The following ROBO2 variants were observed in gnomAD, a reference collection of about 807,000 sequenced individuals.
The protein encoded by ROBO2 is roundabout guidance receptor 2, also known as roundabout homolog 2.
A neutral mutation model predicts 160.8 loss-of-function variants in ROBO2; 53 were observed. That is an observed-to-expected ratio of 0.33 (90% CI 0.26 to 0.41). The LOEUF (loss-of-function observed/expected upper bound fraction) is 0.41. Among genes scored for constraint, ROBO2 ranks in the 10% least tolerant of loss-of-function variants. ROBO2 has a pLI of 1.00. For synonymous variants in ROBO2, 664 were observed against 611.7 expected (o/e 1.09, Z -1.26); for missense variants, 1,577 against 1,722.4 (o/e 0.92, Z 1.49).
chr3:77,571,969 C>T (rs763207395), intron 13 of ROBO2, among the ~76,000 whole-genome samples: 3 of 151,268 alleles, frequency 2.0e-5, no homozygotes, highest in African/African-American at 7.3e-5. Flanking sequence ...AAGCCCCATA[C>T]GATATACTGG....
At chr3:76,043,036 C>T (rs559126887) in intron 2 of ROBO2, among the ~76,000 whole-genome samples, 15 of 152,096 alleles carry the variant, frequency 9.9e-5, no homozygotes, top group Non-Finnish European at 1.9e-4. Context: ...CTGCTACACC[C>T]TTAATAGTTT....
At chr3:76,530,637 C>T (rs1266494390) in intron 2 of ROBO2, among the ~76,000 whole-genome samples, 3 of 152,144 alleles carry the variant, frequency 2.0e-5, no homozygotes, top group Non-Finnish European at 2.9e-5. Flanking sequence ...TGGAAATATG[C>T]AAAGCCCTAT....
At chr3:76,745,619 G>A (rs574482072) in intron 2 of ROBO2, among the ~76,000 whole-genome samples, 1 of 151,982 alleles carries the variant, frequency 6.6e-6, no homozygotes, top group East Asian at 1.9e-4. Flanking sequence ...TGGCCCTTTT[G>A]TGTGTGCTTG....
At chr3:76,931,061 C>G (rs933939840) in intron 2 of ROBO2, among the ~76,000 whole-genome samples, 7 of 152,098 alleles carry the variant, frequency 4.6e-5, no homozygotes, top group African/African-American at 1.7e-4. Flanking sequence ...ACTGCTGCCT[C>G]ATGAATGAAT....
At chr3:77,312,046 A>G (rs1024996226) in intron 2 of ROBO2, among the ~76,000 whole-genome samples, 3 of 152,142 alleles carry the variant, frequency 2.0e-5, no homozygotes, top group African/African-American at 7.2e-5. Context: ...AGATCACCCC[A>G]TTGCACTCCA....
At chr3:76,446,233 T>C (rs938463850) in intron 2 of ROBO2, among the ~76,000 whole-genome samples, 172 of 152,228 alleles carry the variant, frequency 1.1e-3, no homozygotes, top group Middle Eastern at 6.8e-3. Context: ...ACAAGCATTC[T>C]TTTACAACAA....
At chr3:76,021,573 A>G (rs2066575477) in intron 2 of ROBO2, among the ~76,000 whole-genome samples, 1 of 151,840 alleles carries the variant, frequency 6.6e-6, no homozygotes, top group South Asian at 2.1e-4. Context: ...GCAATAAAGC[A>G]AACATTGCAA....
chr3:77,365,229 T>C (rs991944305), intron 2 of ROBO2, among the ~76,000 whole-genome samples: 1 of 151,976 alleles, frequency 6.6e-6, no homozygotes, highest in Non-Finnish European at 1.5e-5. Context: ...TACTGTTTTT[T>C]GTTTGTTTGT....
intron 2 of ROBO2, among the ~76,000 whole-genome samples, chr3:76,636,168 C>T (rs182386198): frequency 2.6e-5 from 4 of 152,062 alleles, no homozygotes; most frequent in African/African-American, 4.8e-5. Context: ...TCCTACTAAA[C>T]GTTAGAAATA....
chr3:77,450,273 ATGACATGTTGATCACG>A (rs1487208007), intron 2 of ROBO2, among the ~76,000 whole-genome samples: 2 of 152,172 alleles, frequency 1.3e-5, no homozygotes, highest in Non-Finnish European at 2.9e-5. Flanking sequence ...TGTTCTTAAC[ATGACATGTTGATCACG>A]CAGCTTCAAC....
chr3:77,596,152 C>T (rs1056262410), intron 18 of ROBO2, among the ~76,000 whole-genome samples: 1 of 152,100 alleles, frequency 6.6e-6, no homozygotes, highest in Admixed American at 6.5e-5. Flanking sequence ...TCATTAATTT[C>T]ACTTCAGTTC....
intron 2 of ROBO2, among the ~76,000 whole-genome samples, chr3:76,388,266 A>G (rs1224636027): frequency 1.3e-5 from 2 of 150,268 alleles, no homozygotes; most frequent in Admixed American, 6.7e-5. Context: ...TTGTAAATTT[A>G]CCATTTTTTT....
intron 1 of ROBO2, among the ~76,000 whole-genome samples, chr3:77,056,497 C>A (rs887210337): frequency 6.6e-6 from 1 of 151,880 alleles, no homozygotes; most frequent in Non-Finnish European, 1.5e-5. Flanking sequence ...GTATAACATT[C>A]CATTTGAGAT....
chr3:76,333,480 A>G (rs1426251010), intron 2 of ROBO2, among the ~76,000 whole-genome samples: 1 of 152,196 alleles, frequency 6.6e-6, no homozygotes, highest in Non-Finnish European at 1.5e-5. Context: ...ATAATCCTTG[A>G]TAATCTAATA....
intron 2 of ROBO2, among the ~76,000 whole-genome samples, chr3:76,450,805 G>T (rs1333453993): frequency 2.0e-5 from 3 of 152,220 alleles, no homozygotes; most frequent in Non-Finnish European, 4.4e-5. Context: ...TTTATTTTCA[G>T]TGCTTTAAAA....
chr3:76,944,461 AG>A (rs2078389097), intron 2 of ROBO2, among the ~76,000 whole-genome samples: 1 of 152,226 alleles, frequency 6.6e-6, no homozygotes. Context: ...ATAAATCCAC[AG>A]GTATTGTAAT....
chr3:76,484,029 C>T (rs1450360607), intron 2 of ROBO2, among the ~76,000 whole-genome samples: 1 of 152,160 alleles, frequency 6.6e-6, no homozygotes, highest in Admixed American at 6.5e-5. Flanking sequence ...AGAACGTACA[C>T]ATGCATGTGT....
chr3:77,238,795 T>TATCTCCCAGG (rs1323246814), intron 2 of ROBO2, among the ~76,000 whole-genome samples: 1 of 152,184 alleles, frequency 6.6e-6, no homozygotes, highest in Non-Finnish European at 1.5e-5. Context: ...TCTCCCAGTG[T>TATCTCCCAGG]ATATTCAGTA....
chr3:76,678,849 G>A (rs1575905420), intron 2 of ROBO2, among the ~76,000 whole-genome samples: 1 of 151,994 alleles, frequency 6.6e-6, no homozygotes, highest in East Asian at 1.9e-4. Context: ...GACATGAAAT[G>A]GAATAATTTA....
Sources: allele counts gnomAD v4.1 joint callset (sites outside exome capture counted in the v4.1 genomes callset), GRCh38; gene constraint gnomAD v4.1.1; transcripts MANE v1.5; gene names NCBI Gene and HGNC (gene_info 2026-07-23, HGNC 2026-07-21).